The following ATP13A5 variants were observed in gnomAD, a reference collection of about 807,000 sequenced individuals.
The protein encoded by ATP13A5 is ATPase 13A5.
In ATP13A5, 149 loss-of-function variants were observed where a neutral mutation model predicts 150.2. The ratio of observed to expected loss-of-function variants is 0.99; its 90% CI spans 0.87 to 1.14. The LOEUF (loss-of-function observed/expected upper bound fraction) is 1.14. Ranked by LOEUF, ATP13A5 falls within the 50% of genes most tolerant of loss-of-function variation. The pLI is 0.00. For missense variants in ATP13A5, 1,383 were observed against 1,449.3 expected, an observed-to-expected ratio of 0.95 and a Z score of 0.74; for synonymous variants, 497 against 522.2, an observed-to-expected ratio of 0.95 and a Z score of 0.66.
At chr3:193,317,895 T>C (rs1719112357) in intron 17 of ATP13A5, among the ~76,000 whole-genome samples, 1 of 152,242 alleles carries the variant, frequency 6.6e-6, no homozygotes, top group Non-Finnish European at 1.5e-5. Flanking sequence ...CATCACTAGC[T>C]ACATAGATCT....
At chr3:193,301,914 A>G (rs1271515367) in intron 23 of ATP13A5, among the ~76,000 whole-genome samples, 1 of 152,218 alleles carries the variant, frequency 6.6e-6, no homozygotes, top group Non-Finnish European at 1.5e-5. Context: ...TCAAGACGAC[A>G]GTAAAAAATG....
intron 1 of ATP13A5, among the ~76,000 whole-genome samples, chr3:193,366,614 T>C (rs546387313): frequency 2.0e-5 from 3 of 152,036 alleles, no homozygotes; most frequent in African/African-American, 7.2e-5. Flanking sequence ...TAAAGAAAAA[T>C]TGATAGAATT....
At chr3:193,280,474 A>C (rs368280625) in intron 27 of ATP13A5, among the ~76,000 whole-genome samples, 1 of 152,210 alleles carries the variant, frequency 6.6e-6, no homozygotes, top group Non-Finnish European at 1.5e-5. Context: ...TCATGTATCA[A>C]CTGGACTGTG....
Position 193,375,254 on chromosome 3 carries a change from C to T in ATP13A5, c.63+3409G>A, listed in dbSNP as rs150471756. Among the ~76,000 whole-genome samples, 910 of 152,320 alleles carry T rather than the reference C, an allele frequency of 6.0e-3. 13 individuals carry two copies. The highest frequency in any genetic ancestry group is 0.024 in the Middle Eastern group (7 of 294). ...GCTGTATTACCTCATTTAATCCTCA[C>T]CACAATCCCAAATGGTAGGTATTAG... On this transcript the variant is annotated intron_variant, in intron 1 of 29. Transcript: ENST00000342358.
intron 17 of ATP13A5, among the ~76,000 whole-genome samples, chr3:193,317,845 A>C (rs900434567): frequency 1.3e-5 from 2 of 152,216 alleles, no homozygotes; most frequent in Non-Finnish European, 2.9e-5. Context: ...AGAACAACAC[A>C]GCTGCGTTTG....
rs149659011 is a variant in ATP13A5, at chr3:193,335,057, T to G, written c.986A>C (p.Glu329Ala). The change falls in exon 10 of 30, where the codon GAG becomes GCG. Residue 329 changes from glutamate to alanine, a missense_variant. Physicochemically the swap from Glu to Ala is moderately radical, Grantham distance 107 (BLOSUM62 -1). This residue lies in a region of ATP13A5 where 787 missense variants were observed against 771.9 expected (regional missense o/e 1.02). Transcript: ENST00000342358. ...GTGACATTTCCAAGGCATAGTGTTCTCCATCTGGGGCAATGGTGTCTTTGT... is the reference window on the plus strand; with the variant it reads ...GTGACATTTCCAAGGCATAGTGTTCGCCATCTGGGGCAATGGTGTCTTTGT... ...PVTKTPLPQMENTMPWKCHSL... is the reference protein window; with the variant it reads ...PVTKTPLPQMANTMPWKCHSL... The G allele has an allele frequency of 5.0e-6, 8 of 1,613,958 alleles. No homozygotes were observed. The highest frequency in any genetic ancestry group is 5.1e-6 in the Non-Finnish European group (6 of 1,179,820).
intron 26 of ATP13A5, 58 bp from the exon 27 acceptor site, chr3:193,285,174 G>T: frequency 7.7e-7 from 1 of 1,305,064 alleles, no homozygotes; most frequent in Non-Finnish European, 1.0e-6. Context: ...TCCATTAGGT[G>T]AAAAAAAAAA....
intron 27 of ATP13A5, among the ~76,000 whole-genome samples, chr3:193,282,348 T>C (rs527814736): frequency 2.0e-5 from 3 of 152,220 alleles, no homozygotes; most frequent in African/African-American, 7.2e-5. Context: ...ATTCACAATA[T>C]AAGCAAAAAT....
rs1464397116 is a variant in ATP13A5 at position 193,364,334 on chromosome 3, AT to A, written c.64-55del. 2.5e-6 allele frequency: 4 copies of A among 1,573,756 alleles called. No homozygotes were observed. The African/African-American group carries it at 4.1e-5, about 16-fold the overall frequency. ...ATTTTTCTTTTCTTCACATAAACAT[AT>A]TATTTTCTTTCAATAAACCAAACTT... is the stretch of plus-strand genomic sequence containing the variant. On this transcript the variant is annotated intron_variant, in intron 1 of 29. Coordinates refer to ENST00000342358, the MANE Select transcript of ATP13A5 (RefSeq NM_198505.4).
intron 25 of ATP13A5, among the ~76,000 whole-genome samples, chr3:193,291,533 A>C (rs1717954112): frequency 6.6e-6 from 1 of 152,038 alleles, no homozygotes. Context: ...ATGACTCAGG[A>C]AGGGTCCTGC....
intron 1 of ATP13A5, among the ~76,000 whole-genome samples, chr3:193,368,428 TG>T (rs1200903238): frequency 2.1e-5 from 2 of 93,066 alleles, no homozygotes; most frequent in Non-Finnish European, 5.1e-5. Flanking sequence ...GTGTGGTAAT[TG>T]ACAACTTGGT....
At chr3:193,353,357 A>G (rs919317681) in intron 6 of ATP13A5, among the ~76,000 whole-genome samples, 1 of 152,242 alleles carries the variant, frequency 6.6e-6, no homozygotes, top group African/African-American at 2.4e-5. Context: ...AATATTTTTA[A>G]AAACAAAAAC....
chr3:193,344,097 T>A (rs774283241), intron 8 of ATP13A5, 42 bp from the exon 9 acceptor site: 3 of 1,596,830 alleles, frequency 1.9e-6, no homozygotes, highest in Non-Finnish European at 2.6e-6. Context: ...GACCTTTTCC[T>A]GTTTTTACTT....
At chr3:193,330,139 C>T (rs1367778313) in intron 12 of ATP13A5, among the ~76,000 whole-genome samples, 3 of 152,136 alleles carry the variant, frequency 2.0e-5, no homozygotes, top group Admixed American at 1.3e-4. Context: ...CAGCTCTGAG[C>T]CTGGGGCTTA....
At chr3:193,361,790 C>G (rs62285660) in intron 5 of ATP13A5, among the ~76,000 whole-genome samples, 40,978 of 152,074 alleles carry the variant, frequency 0.27, 5,812 homozygotes, top group Non-Finnish European at 0.32. Flanking sequence ...GTCCGTGTCT[C>G]TGGGACAATG....
At position 193,323,811 on chromosome 3, in the gene ATP13A5, AT is replaced by A. The variant is rs925851143; in HGVS notation, c.1674+1052del. On this transcript the variant is annotated intron_variant, in intron 14 of 29. Transcript: ENST00000342358. ...CCCTCTAGAAAGCTAAAATTTCCCT[AT>A]TATATGTCTTTGTATTAGCTTCTTT... The A allele has an allele frequency of 3.9e-4, 60 of 152,180 alleles. 1 individual carries two copies. The highest frequency in any genetic ancestry group is 1.4e-3 in the African/African-American group (57 of 41,502). The allele number at this position is 152,180 out of a possible 1,614,324, so 9.4% of individuals were successfully genotyped here.
intron 25 of ATP13A5, among the ~76,000 whole-genome samples, chr3:193,297,381 C>G (rs570096968): frequency 6.6e-6 from 1 of 152,052 alleles, no homozygotes; most frequent in East Asian, 1.9e-4. Context: ...ATCTTAATAC[C>G]TAGACTTGAC....
chr3:193,351,001 A>G, intron 7 of ATP13A5, 66 bp downstream of exon 7: 1 of 1,567,686 alleles, frequency 6.4e-7, no homozygotes, highest in Non-Finnish European at 8.7e-7. Context: ...TCTCAGTGGA[A>G]ATACCATGGG....
At chr3:193,320,774 A>ATTTATCCAAATGAAT (rs1719240221) in intron 16 of ATP13A5, among the ~76,000 whole-genome samples, 1 of 152,224 alleles carries the variant, frequency 6.6e-6, no homozygotes, top group African/African-American at 2.4e-5. Context: ...TTTTATCCAA[A>ATTTATCCAAATGAAT]TGAACTCATT....
Sources: allele counts gnomAD v4.1 joint callset (sites outside exome capture counted in the v4.1 genomes callset), GRCh38; gene constraint gnomAD v4.1.1; regional missense constraint gnomAD v4.1.1; transcripts MANE v1.5; gene names NCBI Gene and HGNC (gene_info 2026-07-23, HGNC 2026-07-21).